WWOX: variants seen among roughly 807,000 people sequenced by gnomAD.
The protein encoded by WWOX is WW domain containing oxidoreductase.
A neutral mutation model predicts 46.2 loss-of-function variants in WWOX; 69 were observed. The ratio of observed to expected loss-of-function variants is 1.49; its 90% CI spans 1.23 to 1.82. WWOX has a LOEUF of 1.82. WWOX is among the 40% of genes most tolerant of loss of function. The pLI, the probability that WWOX is intolerant of heterozygous loss-of-function variation, is 0.00. For missense variants in WWOX, 919 were observed against 542.6 expected, an observed-to-expected ratio of 1.69 and a Z score of -6.89; for synonymous variants, 359 against 202.6, an observed-to-expected ratio of 1.77 and a Z score of -6.56.
At chr16:78,528,950 T>A (rs1416676129) in intron 8 of WWOX, among the ~76,000 whole-genome samples, 1 of 150,598 alleles carries the variant, frequency 6.6e-6, no homozygotes, top group East Asian at 2.0e-4. Context: ...TTTCTTTTCT[T>A]TCTTTCTTTC....
chr16:78,210,080 G>A (rs976296890), intron 5 of WWOX, among the ~76,000 whole-genome samples: 5 of 152,094 alleles, frequency 3.3e-5, no homozygotes, highest in Non-Finnish European at 5.9e-5. Flanking sequence ...GAAAAATGAC[G>A]TGTGAGCTGA....
intron 5 of WWOX, among the ~76,000 whole-genome samples, chr16:78,376,898 G>T (rs1292172691): frequency 6.6e-6 from 1 of 152,188 alleles, no homozygotes; most frequent in Non-Finnish European, 1.5e-5. Context: ...CAAGTCCACC[G>T]TGTGGAATGT....
chr16:79,066,608 C>A (rs77854716), intron 8 of WWOX, among the ~76,000 whole-genome samples: 9,480 of 152,236 alleles, frequency 0.062, 351 homozygotes, highest in African/African-American at 0.1. Flanking sequence ...TTACAGCTGG[C>A]AAGGCCAGCA....
chr16:78,338,821 ATTTCTT>A lies in WWOX; in HGVS notation c.517-48029_517-48024del, dbSNP rs1408575100. On this transcript the variant is annotated intron_variant, in intron 5 of 8. Coordinates refer to ENST00000566780, the MANE Select transcript of WWOX (RefSeq NM_016373.4). ...GCCATTCATTCATTCTATTCTTTTC[ATTTCTT>A]TTTCTTTTTGTAAAAATTGTACAGA... Among the ~76,000 whole-genome samples the A allele has an allele frequency of 5.1e-5, 6 of 117,266 alleles. No homozygotes were observed. The East Asian group carries it at 1.2e-3, about 23-fold the overall frequency. 76.9% of individuals were successfully genotyped at this position (117,266 alleles called of 152,430 possible).
chr16:78,669,419 T>C (rs1316329953), intron 8 of WWOX, among the ~76,000 whole-genome samples: 2 of 152,222 alleles, frequency 1.3e-5, no homozygotes, highest in African/African-American at 4.8e-5. Flanking sequence ...GTTTTTACAA[T>C]GTCTGGGATA....
intron 8 of WWOX, among the ~76,000 whole-genome samples, chr16:78,637,915 G>A (rs1488636078): frequency 6.6e-6 from 1 of 152,064 alleles, no homozygotes; most frequent in African/African-American, 2.4e-5. Context: ...TGCAGGGTCC[G>A]TCCTTCCTCT....
chr16:78,946,722 T>C (rs1298545723), intron 8 of WWOX, among the ~76,000 whole-genome samples: 1 of 152,054 alleles, frequency 6.6e-6, no homozygotes, highest in Non-Finnish European at 1.5e-5. Context: ...TTCAGAGCGT[T>C]GAGAGTCATG....
intron 8 of WWOX, among the ~76,000 whole-genome samples, chr16:78,915,541 G>A (rs573530612): frequency 1.3e-5 from 2 of 152,200 alleles, no homozygotes; most frequent in African/African-American, 2.4e-5. Context: ...TGTTAGCAGG[G>A]GACTGGGCAT....
chr16:78,122,609 C>CT lies in WWOX; in HGVS notation c.409+7468dup, dbSNP rs71137872. 2.5e-3 allele frequency among the ~76,000 whole-genome samples: 355 copies of CT among 142,822 alleles called. 2 individuals are homozygous for CT. The highest frequency in any genetic ancestry group is 4.6e-3 in the African/African-American group (181 of 39,112). 93.7% of individuals were successfully genotyped at this position (142,822 alleles called of 152,430 possible). A position where few individuals can be genotyped will look rare whatever the true frequency, so the allele number is the denominator to read the frequency against. On this transcript the variant is annotated intron_variant, in intron 4 of 8. Transcript: ENST00000566780. ...GAAGATGTTATTTTACATTTTTTTT[C>CT]TTTTTTTTTTTTTGAGACGGTGCCT...
At chr16:78,848,712 AC>A (rs2052362797) in intron 8 of WWOX, among the ~76,000 whole-genome samples, 1 of 152,094 alleles carries the variant, frequency 6.6e-6, no homozygotes, top group African/African-American at 2.4e-5. Flanking sequence ...CTCTCCTCCT[AC>A]CAACAGGGTA....
At chr16:78,553,650 C>T (rs1005221405) in intron 8 of WWOX, among the ~76,000 whole-genome samples, 36 of 152,020 alleles carry the variant, frequency 2.4e-4, no homozygotes, top group African/African-American at 8.2e-4. Flanking sequence ...AGGAGGGATG[C>T]CTGTGGCCAA....
At chr16:79,059,621 A>C (rs930774701) in intron 8 of WWOX, among the ~76,000 whole-genome samples, 7 of 152,098 alleles carry the variant, frequency 4.6e-5, no homozygotes, top group African/African-American at 1.7e-4. Context: ...CTGCCTCCCA[A>C]GTAGCTGGGA....
Position 78,433,300 on chromosome 16 carries a change from A to G in WWOX, c.1056+548A>G, listed in dbSNP as rs1328093226. Among the ~76,000 whole-genome samples, 6 of 152,138 alleles carry G rather than the reference A, an allele frequency of 3.9e-5. No homozygotes were observed. In the East Asian group the frequency reaches 9.7e-4, roughly 24 times the overall value. ...TTTACTTTCCCAAAGACAATTTTGG[A>G]TGAATCATGGTACTGTGGTTACATT... On this transcript the variant is annotated intron_variant, in intron 8 of 8. Coordinates refer to ENST00000566780, the MANE Select transcript of WWOX (RefSeq NM_016373.4).
intron 8 of WWOX, among the ~76,000 whole-genome samples, chr16:78,797,778 A>C (rs2050782323): frequency 6.6e-6 from 1 of 152,222 alleles, no homozygotes. Flanking sequence ...TCTTGAGGCT[A>C]GGAGCTCGAG....
intron 8 of WWOX, among the ~76,000 whole-genome samples, chr16:78,568,056 A>G (rs140630572): frequency 0.018 from 2,729 of 152,310 alleles, 47 homozygotes; most frequent in Admixed American, 0.042. Context: ...ATTTACACAC[A>G]GTGCCTGCGA....
At chr16:78,466,524 CTGT>C (rs973629486) in intron 8 of WWOX, among the ~76,000 whole-genome samples, 14 of 152,128 alleles carry the variant, frequency 9.2e-5, no homozygotes, top group Non-Finnish European at 1.2e-4. Flanking sequence ...TATTAAGCTG[CTGT>C]TGTTGTTTTT....
chr16:79,186,774 C>T (rs949129765), intron 8 of WWOX, among the ~76,000 whole-genome samples: 4 of 152,086 alleles, frequency 2.6e-5, no homozygotes, highest in Admixed American at 6.6e-5. Context: ...CTCCAATCCT[C>T]ACGCTAGCAT....
chr16:78,412,082 C>A (rs923508754), intron 6 of WWOX, among the ~76,000 whole-genome samples: 1 of 152,062 alleles, frequency 6.6e-6, no homozygotes, highest in Admixed American at 6.5e-5. Flanking sequence ...AGTTCATGCT[C>A]CAGAGGTAGT....
At chr16:78,968,355 C>T (rs1232545841) in intron 8 of WWOX, among the ~76,000 whole-genome samples, 2 of 152,150 alleles carry the variant, frequency 1.3e-5, no homozygotes, top group Non-Finnish European at 2.9e-5. Flanking sequence ...TGCTCTGAGC[C>T]CTGGCCATTT....
Sources: gnomAD v4.1 joint callset for allele counts (sites outside exome capture counted in the v4.1 genomes callset) on GRCh38, gnomAD v4.1.1 for gene constraint, MANE v1.5 for transcripts, NCBI Gene and HGNC (gene_info 2026-07-23, HGNC 2026-07-21) for gene names.